Variants in TCP11L2 observed in about 807,000 individuals in gnomAD.
TCP11L2 encodes the protein t-complex 11 like 2.
A neutral mutation model predicts 50.7 loss-of-function variants in TCP11L2; 39 were observed. The observed-to-expected ratio is 0.77, with a 90% CI of 0.60 to 1.01. TCP11L2 has a LOEUF of 1.01. TCP11L2 is among the 50% of genes least tolerant of loss of function. TCP11L2 has a pLI of 0.00. For missense variants in TCP11L2, 612 were observed against 614.7 expected, an observed-to-expected ratio of 1.00 and a Z score of 0.05; for synonymous variants, 192 against 219.3, an observed-to-expected ratio of 0.88 and a Z score of 1.10.
Position 106,337,892 on chromosome 12 carries a change from T to G in TCP11L2, c.1142+1679T>G, listed in dbSNP as rs545969480. On this transcript the variant is annotated intron_variant, in intron 8 of 9. Transcript: ENST00000299045. Reference sequence around the variant, plus strand: ...GTATCTGGTTGTTTATCTGGTTGTTTCATTGTTTAAATTTTTTTCCTGTGT... The same window carrying G: ...GTATCTGGTTGTTTATCTGGTTGTTGCATTGTTTAAATTTTTTTCCTGTGT... Among the ~76,000 whole-genome samples the G allele has an allele frequency of 2.0e-5, 3 of 152,348 alleles. No individual in the cohort carries two copies. In the South Asian group the frequency reaches 6.2e-4, roughly 32 times the overall value.
intron 2 of TCP11L2, chr12:106,312,409 A>G (rs2034897043): frequency 8.1e-7 from 1 of 1,229,574 alleles, no homozygotes; most frequent in South Asian, 1.4e-5. Context: ...AGACCTGGCA[A>G]AAGAAATTAA....
chr12:106,324,031 A>T (rs2035450838), intron 6 of TCP11L2: 1 of 152,290 alleles, frequency 6.6e-6, no homozygotes, highest in African/African-American at 2.4e-5. Context: ...TGCAGTGGAT[A>T]CTGCAGCGAA....
At chr12:106,304,477 G>C (rs1317993551) in intron 1 of TCP11L2, among the ~76,000 whole-genome samples, 1 of 152,220 alleles carries the variant, frequency 6.6e-6, no homozygotes, top group Non-Finnish European at 1.5e-5. Flanking sequence ...TGCTGTGGAT[G>C]AATAACTTTA....
intron 2 of TCP11L2, among the ~76,000 whole-genome samples, chr12:106,313,312 C>T (rs373985078): frequency 1.4e-4 from 21 of 152,220 alleles, no homozygotes; most frequent in Admixed American, 3.9e-4. Context: ...TGGCTGGGTG[C>T]GGTGGCTTAC....
In TCP11L2 at chr12:106,321,617, C is replaced by T. The variant is rs746564653; in HGVS notation, c.546C>T (p.Val182=). The T allele has an allele frequency of 1.6e-5, 26 of 1,614,180 alleles. No homozygotes were observed. The highest frequency in any genetic ancestry group is 2.1e-5 in the Non-Finnish European group (25 of 1,180,044). The change falls in exon 5 of 10, where the codon GTC becomes GTT. Residue 182 remains valine, a synonymous_variant. Coordinates refer to ENST00000299045, the MANE Select transcript of TCP11L2 (RefSeq NM_152772.3). ...AVDIQGLANY[V]ISTMGKLCAP... ...ACATCCAAGGCCTGGCCAACTATGTCATCAGTACGATGGGAAAGCTGTGTG... is the reference window on the plus strand; with the variant it reads ...ACATCCAAGGCCTGGCCAACTATGTTATCAGTACGATGGGAAAGCTGTGTG...
At chr12:106,337,479 T>A (rs2035956856) in intron 8 of TCP11L2, among the ~76,000 whole-genome samples, 1 of 152,226 alleles carries the variant, frequency 6.6e-6, no homozygotes, top group African/African-American at 2.4e-5. Flanking sequence ...GATTTTGCAG[T>A]TGGTCTTATC....
At chr12:106,299,669 A>G (rs1313338133), upstream of TCP11L2, among the ~76,000 whole-genome samples, 1 of 152,196 alleles carries the variant, frequency 6.6e-6, no homozygotes, top group Non-Finnish European at 1.5e-5. Flanking sequence ...ACACAGTAAG[A>G]GAAGCCTCAC....
At chr12:106,299,071 C>T (rs2034379246), upstream of TCP11L2, among the ~76,000 whole-genome samples, 1 of 152,164 alleles carries the variant, frequency 6.6e-6, no homozygotes, top group African/African-American at 2.4e-5. Context: ...CCACCTCAGC[C>T]TCCCAAAGTG....
chr12:106,330,373 G>A, intron 6 of TCP11L2: 4 of 922,002 alleles, frequency 4.3e-6, no homozygotes, highest in Non-Finnish European at 5.2e-6. Flanking sequence ...TTTTGCCACT[G>A]CCCCCGCCCC....
intron 6 of TCP11L2, among the ~76,000 whole-genome samples, chr12:106,332,674 G>T (rs2035787380): frequency 1.3e-5 from 2 of 152,144 alleles, no homozygotes; most frequent in South Asian, 4.1e-4. Context: ...CCTGATGAGG[G>T]CTTTCTTCCT....
intron 6 of TCP11L2, chr12:106,329,508 A>G: frequency 6.7e-7 from 1 of 1,485,110 alleles, no homozygotes. Flanking sequence ...CTGACTACAA[A>G]TTAGAATCAT....
In TCP11L2 at chr12:106,336,133, T is replaced by A; in HGVS notation, c.1062T>A (p.Gly354=). 1 of 1,614,102 alleles carries A rather than the reference T, an allele frequency of 6.2e-7. No homozygotes were observed. Among genetic ancestry groups the A allele is most frequent in the Non-Finnish European group, 8.5e-7 (1 of 1,180,002 alleles). The change falls in exon 8 of 10, where the codon GGT becomes GGA. Residue 354 remains glycine, a synonymous_variant. Coordinates refer to ENST00000299045, the MANE Select transcript of TCP11L2 (RefSeq NM_152772.3). ...CLSLITNNMV[G]AITGGLPELA... ...CCCTAATTACCAACAACATGGTGGGTGCTATTACAGGAGGCCTGCCTGAGC... is the reference window on the plus strand; with the variant it reads ...CCCTAATTACCAACAACATGGTGGGAGCTATTACAGGAGGCCTGCCTGAGC...
intron 9 of TCP11L2, among the ~76,000 whole-genome samples, chr12:106,345,334 T>G (rs950505844): frequency 6.6e-6 from 1 of 151,972 alleles, no homozygotes; most frequent in Non-Finnish European, 1.5e-5. Context: ...CTTTTGAGAG[T>G]CTCTTTTTAA....
chr12:106,323,218 G>T (rs936692856), intron 5 of TCP11L2, among the ~76,000 whole-genome samples: 1 of 152,036 alleles, frequency 6.6e-6, no homozygotes, highest in African/African-American at 2.4e-5. Context: ...TATACCCTGT[G>T]TCCTGGCTCT....
rs561732233 is a variant in TCP11L2 at position 106,315,748 on chromosome 12, C to G, written c.293+1255C>G. Among the ~76,000 whole-genome samples the G allele has an allele frequency of 5.9e-5, 9 of 152,326 alleles. No individual in the cohort carries two copies. In the South Asian group the frequency reaches 8.3e-4, roughly 14 times the overall value. ...CTAGTTGGAGCCACCCCTTTGGATC[C>G]TACTTCAGCCTTTCTGGAGTCAGTG... On this transcript the variant is annotated intron_variant, in intron 3 of 9. Transcript: ENST00000299045.
intron 3 of TCP11L2, among the ~76,000 whole-genome samples, chr12:106,317,888 G>A (rs1253130232): frequency 6.6e-6 from 1 of 152,204 alleles, no homozygotes; most frequent in Non-Finnish European, 1.5e-5. Flanking sequence ...ACTTTAAATG[G>A]GACACCTAAG....
At chr12:106,302,245 G>T (rs1008015918), upstream of TCP11L2, among the ~76,000 whole-genome samples, 1 of 152,034 alleles carries the variant, frequency 6.6e-6, no homozygotes, top group Non-Finnish European at 1.5e-5. Context: ...AAGCCCAGGG[G>T]ATCTGTCCGG....
chr12:106,314,514 G>GTA, intron 3 of TCP11L2, 21 bp downstream of exon 3: 1 of 1,579,646 alleles, frequency 6.3e-7, no homozygotes, highest in Non-Finnish European at 8.6e-7. Flanking sequence ...GGCATTTGTT[G>GTA]TATATAAACT....
At chr12:106,318,959 C>T (rs994111104) in intron 4 of TCP11L2, among the ~76,000 whole-genome samples, 2 of 151,078 alleles carry the variant, frequency 1.3e-5, no homozygotes, top group African/African-American at 2.4e-5. Context: ...GGCCGGACTG[C>T]GGACTGCAGT....
Sources: gnomAD v4.1 joint callset for allele counts (sites outside exome capture counted in the v4.1 genomes callset) on GRCh38, gnomAD v4.1.1 for gene constraint, MANE v1.5 for transcripts, NCBI Gene and HGNC (gene_info 2026-07-23, HGNC 2026-07-21) for gene names.